Variants in DAB1 observed in about 807,000 individuals in gnomAD.
The protein encoded by DAB1 is disabled homolog 1.
In DAB1, 15 loss-of-function variants were observed where a neutral mutation model predicts 64.6. The ratio of observed to expected loss-of-function variants is 0.23; its 90% CI spans 0.16 to 0.36. The LOEUF is 0.36. Among genes scored for constraint, DAB1 ranks in the 10% least tolerant of loss-of-function variants. The probability of loss-of-function intolerance (pLI) is 1.00; values close to 1 mark genes in which losing one functional copy is unlikely to be tolerated. For missense variants in DAB1, 596 were observed against 706.7 expected (o/e 0.84, Z 1.78); for synonymous variants, 235 against 251.9 (o/e 0.93, Z 0.64).
At chr1:57,425,080 C>G (rs879458709), upstream of DAB1, among the ~76,000 whole-genome samples, 3 of 152,184 alleles carry the variant, frequency 2.0e-5, no homozygotes, top group African/African-American at 7.2e-5. Flanking sequence ...AGACTAGATT[C>G]AACTCCAGAA....
chr1:57,656,930 C>A (rs1204122819), intron 6 of DAB1, among the ~76,000 whole-genome samples: 1 of 152,154 alleles, frequency 6.6e-6, no homozygotes, highest in Admixed American at 6.5e-5. Flanking sequence ...TTAAGTACTA[C>A]TTTGAAAGAC....
At chr1:57,393,851 G>A (rs1166741986) in intron 1 of DAB1, among the ~76,000 whole-genome samples, 2 of 152,078 alleles carry the variant, frequency 1.3e-5, no homozygotes, top group Non-Finnish European at 2.9e-5. Context: ...ATCCTGCCGG[G>A]TCAAAAATAT....
intron 7 of DAB1, among the ~76,000 whole-genome samples, chr1:57,582,892 G>A (rs1255471868): frequency 1.3e-5 from 2 of 152,238 alleles, no homozygotes; most frequent in South Asian, 2.1e-4. Flanking sequence ...TAAGCAGTGC[G>A]CCTATGACCC....
At chr1:57,636,155 C>T (rs1180444912) in intron 7 of DAB1, among the ~76,000 whole-genome samples, 2 of 138,024 alleles carry the variant, frequency 1.4e-5, no homozygotes, top group Non-Finnish European at 3.2e-5. Flanking sequence ...AATGAAAACA[C>T]TGGAGCACTC....
chr1:58,144,549 A>G (rs1654483124), intron 5 of DAB1, among the ~76,000 whole-genome samples: 2 of 152,388 alleles, frequency 1.3e-5, no homozygotes, highest in South Asian at 2.1e-4. Context: ...CTTAATCTTC[A>G]TAACAACCCT....
intron 5 of DAB1, among the ~76,000 whole-genome samples, chr1:58,050,780 C>T (rs1403336193): frequency 7.2e-5 from 11 of 152,112 alleles, no homozygotes; most frequent in South Asian, 2.1e-4. Flanking sequence ...CCGCCCGCCT[C>T]GGCCTCCCAA....
chr1:57,759,693 G>T (rs1309548597), intron 6 of DAB1, among the ~76,000 whole-genome samples: 7 of 152,106 alleles, frequency 4.6e-5, no homozygotes, highest in Non-Finnish European at 1.0e-4. Context: ...CATTCTACAG[G>T]ATTATTCCAC....
intron 9 of DAB1, 139 bp downstream of exon 9, chr1:57,062,745 C>T: frequency 1.4e-6 from 1 of 708,056 alleles, no homozygotes; most frequent in Non-Finnish European, 2.4e-6. Context: ...CTGAAGATGC[C>T]CCAGCATGCA....
intron 5 of DAB1, among the ~76,000 whole-genome samples, chr1:58,150,344 C>T (rs1164361464): frequency 1.3e-5 from 2 of 152,170 alleles, no homozygotes; most frequent in African/African-American, 4.8e-5. Context: ...TTAAATAATG[C>T]AGCAGTTTAA....
chr1:57,458,359 C>T (rs532133313), intron 7 of DAB1, among the ~76,000 whole-genome samples: 1 of 151,866 alleles, frequency 6.6e-6, no homozygotes, highest in East Asian at 1.9e-4. Context: ...ACTATAAACA[C>T]CCATATCTCT....
intron 4 of DAB1, among the ~76,000 whole-genome samples, chr1:58,185,874 T>G (rs1020235311): frequency 2.0e-5 from 3 of 152,204 alleles, no homozygotes; most frequent in Admixed American, 2.0e-4. Context: ...GAACCTCCGA[T>G]TGCTCATCTG....
intron 5 of DAB1, among the ~76,000 whole-genome samples, chr1:57,894,399 G>C (rs1219125600): frequency 2.0e-5 from 3 of 152,134 alleles, no homozygotes; most frequent in Non-Finnish European, 4.4e-5. Context: ...TTTAGGTAGG[G>C]AAGTTGGTGG....
chr1:57,715,727 G>T (rs1377443315), intron 6 of DAB1, among the ~76,000 whole-genome samples: 2 of 151,790 alleles, frequency 1.3e-5, no homozygotes, highest in African/African-American at 4.8e-5. Flanking sequence ...TTTAGCCAAA[G>T]AGGTAAAAAA....
upstream of DAB1, among the ~76,000 whole-genome samples, chr1:57,886,251 C>T (rs908066520): frequency 1.4e-4 from 21 of 151,950 alleles, no homozygotes; most frequent in Admixed American, 8.5e-4. Context: ...CTCCGCCTCC[C>T]GGCTTCAAGC....
intron 4 of DAB1, among the ~76,000 whole-genome samples, chr1:58,284,095 A>G (rs758055421): frequency 3.9e-5 from 6 of 152,236 alleles, no homozygotes; most frequent in Non-Finnish European, 7.3e-5. Flanking sequence ...TGAGTTTTCC[A>G]GGTGGGTTGA....
intron 5 of DAB1, among the ~76,000 whole-genome samples, chr1:58,134,874 C>T (rs184779014): frequency 6.6e-6 from 1 of 152,056 alleles, no homozygotes; most frequent in Non-Finnish European, 1.5e-5. Flanking sequence ...CTAGGAGGGA[C>T]CCATACATTC....
chr1:58,177,233 G>C (rs1557683405), intron 4 of DAB1, among the ~76,000 whole-genome samples: 1 of 152,164 alleles, frequency 6.6e-6, no homozygotes, highest in Non-Finnish European at 1.5e-5. Flanking sequence ...ACCTGCACCA[G>C]AGCTGCCCAC....
At chr1:57,105,079 G>T in intron 4 of DAB1, among the ~76,000 whole-genome samples, 1 of 152,052 alleles carries the variant, frequency 6.6e-6, no homozygotes, top group Non-Finnish European at 1.5e-5. Flanking sequence ...CAGGGGTGAG[G>T]GTAGGAGACG....
chr1:57,206,456 G>A (rs1203708819), intron 2 of DAB1, among the ~76,000 whole-genome samples: 5 of 152,208 alleles, frequency 3.3e-5, no homozygotes, highest in Admixed American at 1.3e-4. Context: ...AAAAGGCAGT[G>A]ACCTAACACC....
Sources: allele counts gnomAD v4.1 joint callset (sites outside exome capture counted in the v4.1 genomes callset), GRCh38; gene constraint gnomAD v4.1.1; transcripts MANE v1.5; gene names NCBI Gene and HGNC (gene_info 2026-07-23, HGNC 2026-07-21).